Variants in PEX10 observed in about 807,000 individuals in gnomAD.
PEX10 encodes peroxisomal biogenesis factor 10.
In PEX10, 32 loss-of-function variants were observed where a neutral mutation model predicts 38.0. That is an observed-to-expected ratio of 0.84 (90% confidence interval 0.63 to 1.13). PEX10 has a LOEUF of 1.13. PEX10 is among the 50% of genes most tolerant of loss of function. The probability of loss-of-function intolerance (pLI) is 0.00; values close to 1 mark genes in which losing one functional copy is unlikely to be tolerated. For missense variants in PEX10, 483 were observed against 457.7 expected (o/e 1.06, Z -0.51); for synonymous variants, 206 against 207.3 (o/e 0.99, Z 0.05).
chr1:2,404,724 C>G lies in PEX10; in HGVS notation c.*1042G>C, dbSNP rs906838819. 1 of 152,298 alleles carries G rather than the reference C, an allele frequency of 6.6e-6. No homozygotes were observed. The highest frequency in any genetic ancestry group is 1.5e-5 in the Non-Finnish European group (1 of 68,056). 9.4% of individuals were successfully genotyped at this position (152,298 alleles called of 1,614,324 possible). ...CCGGTCCTGCTGGCCAGGTGTTTTA[C>G]GTCAGCAGGGAAATGTGGCACACGC... On this transcript the variant is annotated 3_prime_UTR_variant, in exon 6 of 6. Coordinates refer to ENST00000447513, the MANE Select transcript of PEX10 (RefSeq NM_002617.4).
intron 1 of PEX10, 22 bp downstream of exon 1, chr1:2,412,369 T>A (rs1221402057): frequency 2.1e-5 from 28 of 1,356,868 alleles, no homozygotes; most frequent in Non-Finnish European, 2.6e-5. Context: ...CGCGAGGACG[T>A]CCGGCCGCGC....
At chr1:2,412,139 C>G (rs1242308251) in intron 1 of PEX10, among the ~76,000 whole-genome samples, 1 of 152,242 alleles carries the variant, frequency 6.6e-6, no homozygotes, top group Non-Finnish European at 1.5e-5. Context: ...AGGGCTTGGG[C>G]GGGAACTGGA....
chr1:2,412,393 G>A lies in PEX10; in HGVS notation c.110C>T (p.Ala37Val). The A allele has an allele frequency of 2.2e-6, 3 of 1,390,594 alleles. No homozygotes were observed. The highest frequency in any genetic ancestry group is 2.8e-6 in the Non-Finnish European group (3 of 1,077,556). 86.1% of individuals were successfully genotyped at this position (1,390,594 alleles called of 1,614,324 possible). ...SAAGGALHSL[A>V]GARKWLEWRK... ...GTCCGGCCGCGCCCGGCCCTCACCCGCCAGGCTGTGCAGGGCGCCGCCCGC... is the reference window on the plus strand; with the variant it reads ...GTCCGGCCGCGCCCGGCCCTCACCCACCAGGCTGTGCAGGGCGCCGCCCGC... The change falls in exon 1 of 6, where the codon GCG (alanine) becomes GTG (valine). Residue 37 changes from alanine (A) to valine (V), a missense_variant and splice_region_variant. Transcript: ENST00000447513.
Position 2,412,427 on chromosome 1 carries a change from G to A in PEX10, c.76C>T (p.Arg26Trp). Reference sequence around the variant, plus strand: ...TGCAGGGCGCCGCCCGCCGCGCTCCGCAGCCCACCGCGGTAGTACTCGTCC... The same window carrying A: ...TGCAGGGCGCCGCCCGCCGCGCTCCACAGCCCACCGCGGTAGTACTCGTCC... ...QKDEYYRGGLRSAAGGALHSL... is the reference protein window; with the variant it reads ...QKDEYYRGGLWSAAGGALHSL... The change falls in exon 1 of 6, where the codon CGG becomes TGG. Residue 26 changes from arginine to tryptophan, a missense_variant. Physicochemically the swap from Arg to Trp is moderately radical, Grantham distance 101. Transcript: ENST00000447513. 1.4e-6 allele frequency: 2 copies of A among 1,420,344 alleles called. No homozygotes were observed. The highest frequency in any genetic ancestry group is 2.9e-5 in the Admixed American group (1 of 33,962). 88.0% of individuals were successfully genotyped at this position (1,420,344 alleles called of 1,614,324 possible).
At chr1:2,407,892 G>A (rs1319074904) in intron 3 of PEX10, among the ~76,000 whole-genome samples, 1 of 152,154 alleles carries the variant, frequency 6.6e-6, no homozygotes, top group Non-Finnish European at 1.5e-5. Context: ...GACCACGGGG[G>A]AGGCTTCGTT....
Position 2,410,469 on chromosome 1 carries a change from AT to A in PEX10, c.113-19del, listed in dbSNP as rs754308567. On this transcript the variant is annotated intron_variant, in intron 1 of 5. Transcript: ENST00000447513. This position sits in a 1 kb window ranked among gnomAD's most constrained non-coding sequence, Gnocchi z 5.1. ...CCTCGCACCTGAGAGGAGAAACAGT[AT>A]TAGTCCGGGGGAGCTGGTGGGCATC... 6.2e-7 allele frequency: 1 copy of A among 1,611,930 alleles called. No individual in the cohort carries two copies. Among genetic ancestry groups the A allele is most frequent in the Middle Eastern group, 1.7e-4 (1 of 6,056 alleles).
rs1643139853 is a variant in PEX10, at chr1:2,410,148, A to C, written c.193+223T>G. 1.8e-6 allele frequency: 1 copy of C among 556,620 alleles called. No individual in the cohort carries two copies. The highest frequency in any genetic ancestry group is 2.9e-5 in the Admixed American group (1 of 34,620). 34.5% of individuals were successfully genotyped at this position (556,620 alleles called of 1,614,324 possible). A position where few individuals can be genotyped will look rare whatever the true frequency, so the allele number is the denominator to read the frequency against. On this transcript the variant is annotated intron_variant, in intron 2 of 5. Coordinates refer to ENST00000447513, the MANE Select transcript of PEX10 (RefSeq NM_002617.4). This position sits in a 1 kb window ranked among gnomAD's most constrained non-coding sequence, Gnocchi z 5.1. ...TCAGTGGCACCCGGGGTAAAGTCTT[A>C]AACAAAGAACCCCAGGGACACACAA...
chr1:2,405,908 C>T (rs1218391164), intron 5 of PEX10, 74 bp from the exon 6 acceptor site: 1 of 1,155,892 alleles, frequency 8.7e-7, no homozygotes, highest in East Asian at 2.6e-5. Context: ...CATTTCTTTT[C>T]CTGTCCACAT....
chr1:2,411,268 C>G (rs1018723621), intron 1 of PEX10, among the ~76,000 whole-genome samples: 105 of 137,700 alleles, frequency 7.6e-4, no homozygotes, highest in African/African-American at 2.5e-3. Context: ...TGGAGTCTCA[C>G]TCTGTTGCCC....
chr1:2,405,600 A>G lies in PEX10; in HGVS notation c.*166T>C. On this transcript the variant is annotated 3_prime_UTR_variant, in exon 6 of 6. Transcript: ENST00000447513. Reference sequence around the variant, plus strand: ...CTCCCAGGGCTGAGAAAGCGCAGCCAGGGACAGCTTTCTGTTCTCTCCCAG... The same window carrying G: ...CTCCCAGGGCTGAGAAAGCGCAGCCGGGGACAGCTTTCTGTTCTCTCCCAG... 1 of 739,470 alleles carries G rather than the reference A, an allele frequency of 1.4e-6. No homozygotes were observed. The highest frequency in any genetic ancestry group is 2.0e-5 in the Admixed American group (1 of 49,904). The allele number at this position is 739,470 out of a possible 1,614,324, so 45.8% of individuals were successfully genotyped here. A position where few individuals can be genotyped will look rare whatever the true frequency, so the allele number is the denominator to read the frequency against.
Position 2,404,253 on chromosome 1 carries a change from C to T in PEX10, c.*1513G>A, listed in dbSNP as rs1178889446. Reference sequence around the variant, plus strand: ...TTTTCTTGTACCAGTGTTTACATATCTGACATCGAGCTCCTCTAAGAGGCC... The same window carrying T: ...TTTTCTTGTACCAGTGTTTACATATTTGACATCGAGCTCCTCTAAGAGGCC... On this transcript the variant is annotated 3_prime_UTR_variant, in exon 6 of 6. Coordinates refer to ENST00000447513, the MANE Select transcript of PEX10 (RefSeq NM_002617.4). The T allele has an allele frequency of 6.6e-6, 1 of 152,264 alleles. No homozygotes were observed. Among genetic ancestry groups the T allele is most frequent in the Non-Finnish European group, 1.5e-5 (1 of 68,048 alleles). The allele number at this position is 152,264 out of a possible 1,614,324, so 9.4% of individuals were successfully genotyped here.
rs577197641 is a variant in PEX10, at chr1:2,409,622, G to A, written c.193+749C>T. On this transcript the variant is annotated intron_variant, in intron 2 of 5. Coordinates refer to ENST00000447513, the MANE Select transcript of PEX10 (RefSeq NM_002617.4). This position sits in a 1 kb window ranked among gnomAD's most constrained non-coding sequence, Gnocchi z 6.2. Reference sequence around the variant, plus strand: ...AGTGGTCGGCCTCTCCCCTGCCCACGTCCCTGGAATGCCCCAAGCCTCGCA... The same window carrying A: ...AGTGGTCGGCCTCTCCCCTGCCCACATCCCTGGAATGCCCCAAGCCTCGCA... 5.1e-5 allele frequency: 8 copies of A among 156,110 alleles called. No homozygotes were observed. The South Asian group carries it at 5.9e-4, about 11-fold the overall frequency. The allele number at this position is 156,110 out of a possible 1,614,324, so 9.7% of individuals were successfully genotyped here. A position where few individuals can be genotyped will look rare whatever the true frequency, so the allele number is the denominator to read the frequency against.
chr1:2,412,435 C>T lies in PEX10; in HGVS notation c.68G>A (p.Gly23Asp), dbSNP rs753786568. The change falls in exon 1 of 6, where the codon GGT (glycine) becomes GAT (aspartate). Residue 23 changes from glycine to aspartate, a missense_variant. By Grantham distance (94) the Gly-to-Asp change is moderately conservative (BLOSUM62 -1). Coordinates refer to ENST00000447513, the MANE Select transcript of PEX10 (RefSeq NM_002617.4). ...GCCGCCCGCCGCGCTCCGCAGCCCA[C>T]CGCGGTAGTACTCGTCCTTCTGCGC... ...RAAQKDEYYR[G>D]GLRSAAGGAL... 1 of 1,428,288 alleles carries T rather than the reference C, an allele frequency of 7.0e-7. No individual in the cohort carries two copies. The highest frequency in any genetic ancestry group is 1.4e-5 in the South Asian group (1 of 70,654). 88.5% of individuals were successfully genotyped at this position (1,428,288 alleles called of 1,614,324 possible).
upstream of PEX10, chr1:2,412,587 C>G (rs949122347): frequency 7.3e-5 from 79 of 1,079,758 alleles, no homozygotes; most frequent in Non-Finnish European, 9.0e-5. Flanking sequence ...CACGACGTGG[C>G]TCTGCGTGCG....
Position 2,412,545 on chromosome 1 carries a change from C to A in PEX10, c.-43G>T. 7.8e-7 allele frequency: 1 copy of A among 1,282,588 alleles called. No individual in the cohort carries two copies. The highest frequency in any genetic ancestry group is 2.2e-5 in the South Asian group (1 of 46,196). The allele number at this position is 1,282,588 out of a possible 1,614,324, so 79.5% of individuals were successfully genotyped here. A position where few individuals can be genotyped will look rare whatever the true frequency, so the allele number is the denominator to read the frequency against. On this transcript the variant is annotated 5_prime_UTR_variant, in exon 1 of 6. Transcript: ENST00000447513. The stretch of plus-strand genomic sequence containing the variant: ...GTCCCGAGCAGCCACGCCGGCCACG[C>A]CCACGCCCAGACGGGCGAGAACTGA...
In PEX10 at chr1:2,412,520, G is replaced by A. The variant is rs1391106265; in HGVS notation, c.-18C>T. On this transcript the variant is annotated 5_prime_UTR_variant, in exon 1 of 6. Transcript: ENST00000447513. Reference sequence around the variant, plus strand: ...GGGGCCATGGCCGCGGGTTCGGGTGGTCCCGAGCAGCCACGCCGGCCACGC... The same window carrying A: ...GGGGCCATGGCCGCGGGTTCGGGTGATCCCGAGCAGCCACGCCGGCCACGC... 5 of 1,332,406 alleles carry A rather than the reference G, an allele frequency of 3.8e-6. No individual in the cohort carries two copies. In the East Asian group the frequency reaches 1.3e-4, roughly 34 times the overall value. 82.5% of individuals were successfully genotyped at this position (1,332,406 alleles called of 1,614,324 possible).
Position 2,408,857 on chromosome 1 carries a change from G to A in PEX10, c.195C>T (p.Gly65=), listed in dbSNP as rs2100430256. 6.2e-7 allele frequency: 1 copy of A among 1,613,942 alleles called. No homozygotes were observed. The highest frequency in any genetic ancestry group is 1.1e-5 in the South Asian group (1 of 91,082). Residue 65 remains glycine (G), a splice_region_variant and synonymous_variant, in exon 3 of 6, where the codon GGC becomes GGT. Coordinates refer to ENST00000447513, the MANE Select transcript of PEX10 (RefSeq NM_002617.4). ...VAYFGLTTLA[G]YQTLGEEYVS... is the part of the protein sequence containing the mutation. ...CGTACTCCTCCCCCAGGGTCTGGTA[G>A]CCTGCGAGGAAGAGGATGGGTATGT...
chr1:2,405,690 G>A lies in PEX10; in HGVS notation c.*76C>T, dbSNP rs776437168. 2 of 1,289,196 alleles carry A rather than the reference G, an allele frequency of 1.6e-6. No homozygotes were observed. The highest frequency in any genetic ancestry group is 2.2e-6 in the Non-Finnish European group (2 of 909,070). 79.9% of individuals were successfully genotyped at this position (1,289,196 alleles called of 1,614,324 possible). On this transcript the variant is annotated 3_prime_UTR_variant, in exon 6 of 6. Coordinates refer to ENST00000447513, the MANE Select transcript of PEX10 (RefSeq NM_002617.4). Reference sequence around the variant, plus strand: ...GTGTTCTAACTTCTGTGCAAGCAAGGTTAATCCTGAGACTAAATCTTGGCG... The same window carrying A: ...GTGTTCTAACTTCTGTGCAAGCAAGATTAATCCTGAGACTAAATCTTGGCG...
upstream of PEX10, among the ~76,000 whole-genome samples, chr1:2,413,199 G>GC (rs1300220876): frequency 6.6e-6 from 1 of 152,226 alleles, no homozygotes; most frequent in Non-Finnish European, 1.5e-5. Context: ...TGGTGTGGAC[G>GC]CCCCCCTGGT....
Sources: gnomAD v4.1 joint callset for allele counts (sites outside exome capture counted in the v4.1 genomes callset) on GRCh38, gnomAD v4.1.1 for gene constraint, Gnocchi (gnomAD v3.1) non-coding constraint, MANE v1.5 for transcripts, NCBI Gene and HGNC (gene_info 2026-07-23, HGNC 2026-07-21) for gene names.